Variants in PHLDB2 observed in about 807,000 individuals in gnomAD.
PHLDB2 encodes pleckstrin homology like domain family B member 2, also known as pleckstrin homology-like domain family B member 2.
Under a neutral mutation model 123.6 loss-of-function variants are expected in PHLDB2, and 71 were observed. That is an observed-to-expected ratio of 0.57 (90% confidence interval 0.47 to 0.70). The LOEUF is 0.70. Ranked by LOEUF, PHLDB2 falls within the 30% of genes least tolerant of loss-of-function variation. The pLI is 0.00. For synonymous variants in PHLDB2, 547 were observed against 541.6 expected (o/e 1.01, Z -0.14); for missense variants, 1,446 against 1,519.5 (o/e 0.95, Z 0.80).
chr3:111,852,551 G>C lies in PHLDB2; in HGVS notation c.67+6616G>C, dbSNP rs560602768. The stretch of plus-strand genomic sequence containing the variant: ...AAAGGAAAAACAAAGAAAACCAACA[G>C]AGAGAAGAGAAGCTGAGTTCTCTTC... On this transcript the variant is annotated intron_variant, in intron 2 of 17. Transcript: ENST00000393923. 3.3e-5 allele frequency among the ~76,000 whole-genome samples: 5 copies of C among 152,082 alleles called. No homozygotes were observed. In the South Asian group the frequency reaches 1.0e-3, roughly 32 times the overall value.
At chr3:111,747,446 C>T in intron 1 of PHLDB2, among the ~76,000 whole-genome samples, 1 of 151,966 alleles carries the variant, frequency 6.6e-6, no homozygotes, top group East Asian at 1.9e-4. Flanking sequence ...AAAGAAGGGA[C>T]TTTCATGTAA....
intron 1 of PHLDB2, among the ~76,000 whole-genome samples, chr3:111,810,426 C>T (rs1042809734): frequency 2.0e-4 from 31 of 152,160 alleles, no homozygotes; most frequent in African/African-American, 7.2e-4. Flanking sequence ...AGGGTGCCAG[C>T]ATGCTCAATT....
intron 1 of PHLDB2, among the ~76,000 whole-genome samples, chr3:111,790,598 GAA>G (rs1266788541): frequency 6.6e-6 from 1 of 152,134 alleles, no homozygotes; most frequent in East Asian, 1.9e-4. Context: ...TTTGACAAAG[GAA>G]AAGAACCTTT....
intron 1 of PHLDB2, among the ~76,000 whole-genome samples, chr3:111,823,024 T>C (rs947157432): frequency 6.6e-6 from 1 of 152,244 alleles, no homozygotes; most frequent in African/African-American, 2.4e-5. Context: ...TGATGATGTC[T>C]GTATCACATG....
chr3:111,964,285 CCACACACACA>C (rs144106916), intron 13 of PHLDB2, among the ~76,000 whole-genome samples: 1 of 150,318 alleles, frequency 6.7e-6, no homozygotes, highest in Non-Finnish European at 1.5e-5. Flanking sequence ...ATGTGTCTCA[CCACACACACA>C]CACACACACA....
chr3:111,824,911 T>G (rs1041401246), intron 1 of PHLDB2, among the ~76,000 whole-genome samples: 1 of 152,194 alleles, frequency 6.6e-6, no homozygotes, highest in Non-Finnish European at 1.5e-5. Context: ...TGAGTGTTCT[T>G]GAAAAATGTG....
At chr3:111,798,814 A>C (rs2061267379) in intron 1 of PHLDB2, among the ~76,000 whole-genome samples, 1 of 152,058 alleles carries the variant, frequency 6.6e-6, no homozygotes, top group Admixed American at 6.6e-5. Flanking sequence ...TATGCAAAGG[A>C]GTGTTGTTTA....
chr3:111,917,360 G>T (rs1379517156), intron 3 of PHLDB2: 1 of 152,050 alleles, frequency 6.6e-6, no homozygotes, highest in Non-Finnish European at 1.5e-5. Context: ...CTGTTATTTT[G>T]TATTTTTCTT....
At chr3:111,763,421 G>A (rs1007490451) in intron 1 of PHLDB2, among the ~76,000 whole-genome samples, 5 of 152,112 alleles carry the variant, frequency 3.3e-5, no homozygotes, top group East Asian at 1.9e-4. Flanking sequence ...GTTTTAGTTC[G>A]CTCATCTGTA....
intron 1 of PHLDB2, among the ~76,000 whole-genome samples, chr3:111,829,458 C>CA (rs1559853615): frequency 8.7e-6 from 1 of 115,126 alleles, no homozygotes; most frequent in East Asian, 2.7e-4. Context: ...TTTTCTTTTT[C>CA]TTTTTTTTTG....
chr3:111,899,169 G>A (rs1289716120), intron 2 of PHLDB2, among the ~76,000 whole-genome samples: 2 of 152,174 alleles, frequency 1.3e-5, no homozygotes, highest in East Asian at 3.8e-4. Flanking sequence ...TGGATATTGT[G>A]TTATCAGGCA....
chr3:111,944,370 CT>C (rs34781537), intron 8 of PHLDB2, among the ~76,000 whole-genome samples: 10 of 149,952 alleles, frequency 6.7e-5, no homozygotes, highest in African/African-American at 9.8e-5. Flanking sequence ...ACTGAATGCA[CT>C]TTTTTTTTTA....
At chr3:111,963,513 C>G (rs1207859447) in intron 13 of PHLDB2, among the ~76,000 whole-genome samples, 1 of 152,120 alleles carries the variant, frequency 6.6e-6, no homozygotes, top group Non-Finnish European at 1.5e-5. Flanking sequence ...ATTTTCTGAG[C>G]ATTATGTTTG....
chr3:111,961,176 C>T (rs773653918), intron 12 of PHLDB2, among the ~76,000 whole-genome samples: 11 of 152,028 alleles, frequency 7.2e-5, no homozygotes, highest in Non-Finnish European at 1.5e-4. Flanking sequence ...ACTAAAAATA[C>T]AAAAGTTAGC....
Position 111,885,240 on chromosome 3 carries a change from T to C in PHLDB2, c.1163T>C (p.Val388Ala), listed in dbSNP as rs1559885856. The C allele has an allele frequency of 6.2e-7, 1 of 1,614,026 alleles. No individual in the cohort carries two copies. Among genetic ancestry groups the C allele is most frequent in the East Asian group, 2.2e-5 (1 of 44,876 alleles). ...ATRRNFSCGS[V>A]EFDEADLESL... ...AGGAGGAACTTCTCTTGTGGATCTG[T>C]GGAATTTGATGAGGCAGATTTGGAA... Residue 388 changes from valine (V) to alanine (A), a missense_variant, in exon 2 of 18, where the codon GTG (valine) becomes GCG (alanine). Around this residue, in one of 3 missense-constraint regions of PHLDB2, gnomAD observed 832 missense variants for 831.9 expected, o/e 1.00. Coordinates refer to ENST00000431670, the MANE Select transcript of PHLDB2 (RefSeq NM_001134438.2).
chr3:111,762,786 T>G (rs886344611), intron 1 of PHLDB2, among the ~76,000 whole-genome samples: 6 of 152,168 alleles, frequency 3.9e-5, no homozygotes, highest in Non-Finnish European at 8.8e-5. Context: ...TTTCTTTTGG[T>G]TTGGGTTAAA....
intron 8 of PHLDB2, among the ~76,000 whole-genome samples, chr3:111,944,274 G>A (rs1453204570): frequency 6.6e-6 from 1 of 152,108 alleles, no homozygotes. Flanking sequence ...AATGATTGGG[G>A]TGACAGAAAT....
At chr3:111,755,304 T>C (rs1455415123) in intron 1 of PHLDB2, among the ~76,000 whole-genome samples, 15 of 145,694 alleles carry the variant, frequency 1.0e-4, no homozygotes, top group Non-Finnish European at 1.4e-4. Flanking sequence ...GTTGGTAAGC[T>C]ATTGATTAGT....
chr3:111,824,420 C>A (rs1448263979), intron 1 of PHLDB2, among the ~76,000 whole-genome samples: 5 of 152,148 alleles, frequency 3.3e-5, no homozygotes, highest in African/African-American at 1.2e-4. Flanking sequence ...TTCTTTCTGA[C>A]TCAGCCCACA....
Sources: allele counts gnomAD v4.1 joint callset (sites outside exome capture counted in the v4.1 genomes callset), GRCh38; gene constraint gnomAD v4.1.1; regional missense constraint gnomAD v4.1.1; transcripts MANE v1.5; gene names NCBI Gene and HGNC (gene_info 2026-07-23, HGNC 2026-07-21).